The following PPL variants were observed in gnomAD, a reference collection of about 807,000 sequenced individuals.
PPL encodes periplakin, also known as 190 kDa paraneoplastic pemphigus antigen.
Under a neutral mutation model 194.4 loss-of-function variants are expected in PPL, and 198 were observed. That is an observed-to-expected ratio of 1.02 (90% CI 0.91 to 1.15). The LOEUF is 1.15. PPL is among the 50% of genes most tolerant of loss of function. PPL has a pLI of 0.00. For missense variants in PPL, 2,885 were observed against 2,294.8 expected (o/e 1.26, Z -5.25); for synonymous variants, 1,220 against 972.4 (o/e 1.25, Z -4.74).
Position 4,888,194 on chromosome 16 carries a change from GT to G in PPL, c.2421del (p.Lys807AsnfsTer2), listed in dbSNP as rs1466519475. On this transcript the variant is annotated frameshift_variant, in exon 20 of 22. Coordinates refer to ENST00000345988, the MANE Select transcript of PPL (RefSeq NM_002705.5). LOFTEE classifies it high-confidence loss of function. ...AVKDYELEAE[K>X]LRSLLDLENG... ...TTCTCCAAGTCGAGAAGAGACCTTAGTTTTTCTGCTTCTAACTCATAGTCCT... is the reference window on the plus strand; with the variant it reads ...TTCTCCAAGTCGAGAAGAGACCTTAGTTTTCTGCTTCTAACTCATAGTCCT... The G allele has an allele frequency of 6.2e-7, 1 of 1,612,924 alleles. No homozygotes were observed.
Position 4,884,437 on chromosome 16 carries a change from T to C in PPL, c.4218A>G (p.Leu1406=), listed in dbSNP as rs2142322648. The C allele has an allele frequency of 6.2e-7, 1 of 1,602,872 alleles. No individual in the cohort carries two copies. Among genetic ancestry groups the C allele is most frequent in the South Asian group, 1.1e-5 (1 of 90,630 alleles). The part of the protein sequence containing the change: ...RTELERQLEE[L]ERERQARREA... ...CCCTGCGGGCCTGCCGCTCGCGCTCTAGCTCCTCCAGCTGCCGCTCAAGCT... is the reference window on the plus strand; with the variant it reads ...CCCTGCGGGCCTGCCGCTCGCGCTCCAGCTCCTCCAGCTGCCGCTCAAGCT... The change falls in exon 22 of 22, where the codon CTA becomes CTG. Residue 1406 remains leucine (L), a synonymous_variant. Transcript: ENST00000345988. The surrounding 1 kb of genome is among the most constrained non-coding windows in gnomAD (Gnocchi z 5.7).
intron 6 of PPL, among the ~76,000 whole-genome samples, 180 bp from the exon 7 acceptor site, chr16:4,899,564 G>T (rs2088510869): frequency 7.3e-6 from 1 of 137,094 alleles, no homozygotes; most frequent in Non-Finnish European, 1.6e-5. Context: ...CAAGTCACCT[G>T]AACCCCTGAA....
At chr16:4,907,542 T>C (rs1486641232) in intron 2 of PPL, among the ~76,000 whole-genome samples, 3 of 152,024 alleles carry the variant, frequency 2.0e-5, no homozygotes, top group African/African-American at 7.2e-5. Context: ...GATTAGTTGC[T>C]GCCAGGGGGA....
intron 1 of PPL, among the ~76,000 whole-genome samples, chr16:4,926,492 G>C (rs1236599846): frequency 1.3e-5 from 2 of 152,096 alleles, no homozygotes; most frequent in Admixed American, 1.3e-4. Context: ...GACAACAGAA[G>C]GCCCTCTCCC....
intron 1 of PPL, among the ~76,000 whole-genome samples, chr16:4,930,846 C>T (rs1433718098): frequency 6.6e-6 from 1 of 152,208 alleles, no homozygotes; most frequent in African/African-American, 2.4e-5. Context: ...GTGACAGGCA[C>T]ATGTTGATGT....
In PPL at chr16:4,885,294, C is replaced by A; in HGVS notation, c.3361G>T (p.Glu1121Ter). The A allele has an allele frequency of 6.3e-7, 1 of 1,589,016 alleles. No homozygotes were observed. Among genetic ancestry groups the A allele is most frequent in the Non-Finnish European group, 8.6e-7 (1 of 1,168,440 alleles). Residue 1121 changes from glutamate (E) to a stop codon, truncating the protein, a stop_gained, in exon 22 of 22, where the codon GAG becomes TAG. Transcript: ENST00000345988. LOFTEE classifies it high-confidence loss of function. The surrounding 1 kb of genome is among the most constrained non-coding windows in gnomAD (Gnocchi z 6.3). ...KITVKEVLKVEKDAATEREVS... is the reference protein window; with the variant it reads ...KITVKEVLKV ...TCCCTCTCGGTGGCCGCGTCCTTCT[C>A]CACCTTGAGCACCTCCTTGACGGTG...
At position 4,884,102 on chromosome 16, in the gene PPL, C is replaced by G. The variant is rs147308318; in HGVS notation, c.4553G>C (p.Arg1518Thr). 19 of 1,613,354 alleles carry G rather than the reference C, an allele frequency of 1.2e-5. No homozygotes were observed. The highest frequency in any genetic ancestry group is 1.6e-5 in the Non-Finnish European group (19 of 1,179,966). The change falls in exon 22 of 22, where the codon AGG becomes ACG. Residue 1518 changes from arginine (R) to threonine (T), a missense_variant. Physicochemically the swap from Arg to Thr is moderately conservative, Grantham distance 71. Coordinates refer to ENST00000345988, the MANE Select transcript of PPL (RefSeq NM_002705.5). The surrounding 1 kb of genome is among the most constrained non-coding windows in gnomAD (Gnocchi z 5.7). ...EKGDTEQEIQ[R>T]LKSSLEEESR... ...CTCCTCCTCCAGGCTGCTCTTGAGC[C>G]TCTGGATCTCTTGCTCGGTGTCGCC... is the stretch of plus-strand genomic sequence containing the variant.
Position 4,885,247 on chromosome 16 carries a change from T to C in PPL, c.3408A>G (p.Gln1136=), listed in dbSNP as rs1052486760. 3 of 1,613,336 alleles carry C rather than the reference T, an allele frequency of 1.9e-6. No homozygotes were observed. The highest frequency in any genetic ancestry group is 2.7e-5 in the African/African-American group (2 of 74,890). Residue 1136 remains glutamine, a synonymous_variant, in exon 22 of 22, where the codon CAA becomes CAG. Transcript: ENST00000345988. This position sits in a 1 kb window ranked among gnomAD's most constrained non-coding sequence, Gnocchi z 6.3. ...GAGCCTTGGCAGCCTCGTCCTCATATTGGCGGGTGAGATCGCTGACCTCCC... is the reference window on the plus strand; with the variant it reads ...GAGCCTTGGCAGCCTCGTCCTCATACTGGCGGGTGAGATCGCTGACCTCCC... ...TEREVSDLTR[Q]YEDEAAKARA...
intron 8 of PPL, 21 bp from the exon 9 acceptor site, chr16:4,897,791 C>G: frequency 6.3e-7 from 1 of 1,599,394 alleles, no homozygotes; most frequent in African/African-American, 1.3e-5. Context: ...GAGAAGGGGC[C>G]GGTCACCACT....
chr16:4,885,879 G>A lies in PPL; in HGVS notation c.2776C>T (p.Gln926Ter). The change falls in exon 22 of 22, where the codon CAG becomes TAG. Residue 926 changes from glutamine to a stop codon, truncating the protein, a stop_gained. Coordinates refer to ENST00000345988, the MANE Select transcript of PPL (RefSeq NM_002705.5). LOFTEE classifies it high-confidence loss of function. The surrounding 1 kb of genome is among the most constrained non-coding windows in gnomAD (Gnocchi z 6.3). ...TQEEIWTLRNQGPQESVVRKE... is the reference protein window; with the variant it reads ...TQEEIWTLRN The stretch of plus-strand genomic sequence containing the variant: ...CTCACCACCGATTCCTGAGGCCCCT[G>A]ATTCCTCAAGGTCCAGATTTCTTCC... 1 of 1,609,490 alleles carries A rather than the reference G, an allele frequency of 6.2e-7. No homozygotes were observed. The highest frequency in any genetic ancestry group is 1.3e-5 in the African/African-American group (1 of 75,046).
At chr16:4,895,513 C>G in intron 10 of PPL, 81 bp downstream of exon 10, 1 of 1,608,068 alleles carries the variant, frequency 6.2e-7, no homozygotes, top group South Asian at 1.1e-5. Flanking sequence ...TGTGGAGGGG[C>G]CTGTACAGGG....
intron 1 of PPL, among the ~76,000 whole-genome samples, chr16:4,923,982 T>C (rs2089105291): frequency 6.6e-6 from 1 of 152,318 alleles, no homozygotes; most frequent in South Asian, 2.1e-4. Context: ...TTACTCCACC[T>C]GTCTCAGCCT....
At chr16:4,919,304 A>G (rs2088989724) in intron 1 of PPL, among the ~76,000 whole-genome samples, 1 of 152,244 alleles carries the variant, frequency 6.6e-6, no homozygotes, top group Non-Finnish European at 1.5e-5. Context: ...CAGCCTGTGT[A>G]GGAGAAAGAC....
At position 4,897,751 on chromosome 16, in the gene PPL, T is replaced by C; in HGVS notation, c.896A>G (p.His299Arg). The C allele has an allele frequency of 6.2e-7, 1 of 1,613,796 alleles. No homozygotes were observed. The highest frequency in any genetic ancestry group is 8.5e-7 in the Non-Finnish European group (1 of 1,179,948). ...GTTCAGGTACTCCTTCCAGTCTGCG[T>C]GCACAGCCTCCATGTGCGCCTGCCA... The part of the protein sequence containing the change: ...NSIEAHMEAV[H>R]ADWKEYLNLL... The change falls in exon 9 of 22, where the codon CAC becomes CGC. Residue 299 changes from histidine to arginine, a missense_variant. Coordinates refer to ENST00000345988, the MANE Select transcript of PPL (RefSeq NM_002705.5).
At chr16:4,907,849 G>A (rs1173620352) in intron 2 of PPL, among the ~76,000 whole-genome samples, 1 of 151,956 alleles carries the variant, frequency 6.6e-6, no homozygotes, top group Non-Finnish European at 1.5e-5. Flanking sequence ...TTTTTCAAGT[G>A]GGTTCAGTTG....
At chr16:4,915,010 C>T (rs1190229890) in intron 1 of PPL, among the ~76,000 whole-genome samples, 5 of 152,212 alleles carry the variant, frequency 3.3e-5, no homozygotes, top group African/African-American at 1.2e-4. Context: ...CCTGACTCTG[C>T]AGTGCATCGT....
At chr16:4,919,149 G>A (rs2088986566) in intron 1 of PPL, among the ~76,000 whole-genome samples, 1 of 152,248 alleles carries the variant, frequency 6.6e-6, no homozygotes, top group African/African-American at 2.4e-5. Flanking sequence ...CTTACTCAGA[G>A]GGTAACACGG....
intron 1 of PPL, among the ~76,000 whole-genome samples, chr16:4,934,223 G>T (rs1360474765): frequency 6.6e-6 from 1 of 152,076 alleles, no homozygotes; most frequent in Non-Finnish European, 1.5e-5. Context: ...GGCAACGGGA[G>T]CAACGGGGTT....
intron 2 of PPL, among the ~76,000 whole-genome samples, chr16:4,905,373 G>A (rs1317470180): frequency 6.6e-6 from 1 of 152,200 alleles, no homozygotes; most frequent in East Asian, 1.9e-4. Context: ...GATGTGAAGT[G>A]TCCCGAACAG....
Sources: gnomAD v4.1 joint callset for allele counts (sites outside exome capture counted in the v4.1 genomes callset) on GRCh38, gnomAD v4.1.1 for gene constraint, Gnocchi (gnomAD v3.1) non-coding constraint, MANE v1.5 for transcripts, NCBI Gene and HGNC (gene_info 2026-07-23, HGNC 2026-07-21) for gene names.